The following SRGAP1 variants were observed in gnomAD, a reference collection of about 807,000 sequenced individuals.
SRGAP1 encodes SLIT-ROBO Rho GTPase-activating protein 1.
A neutral mutation model predicts 121.9 loss-of-function variants in SRGAP1; 43 were observed. That is an observed-to-expected ratio of 0.35 (90% CI 0.28 to 0.46). The LOEUF is 0.46. Among genes scored for constraint, SRGAP1 ranks in the 20% least tolerant of loss-of-function variants. SRGAP1 has a pLI of 1.00. For missense variants in SRGAP1, 1,102 were observed against 1,350.9 expected (o/e 0.82, Z 2.89); for synonymous variants, 447 against 485.4 (o/e 0.92, Z 1.04).
chr12:63,872,130 G>T, intron 1 of SRGAP1: 1 of 482,548 alleles, frequency 2.1e-6, no homozygotes, highest in Non-Finnish European at 3.8e-6. Context: ...CACCTAACCG[G>T]GAGTTTTTCT....
intron 1 of SRGAP1, among the ~76,000 whole-genome samples, chr12:63,936,187 C>T (rs1028740458): frequency 6.6e-5 from 10 of 152,072 alleles, no homozygotes; most frequent in African/African-American, 1.9e-4. Context: ...AAGAGATACA[C>T]GAATCCAGAG....
intron 11 of SRGAP1, among the ~76,000 whole-genome samples, chr12:64,087,740 TAAAAATA>T (rs1016346634): frequency 6.6e-6 from 1 of 151,932 alleles, no homozygotes; most frequent in South Asian, 2.1e-4. Context: ...TCTCAAAAAA[TAAAAATA>T]AAAAATAAAA....
At chr12:63,930,554 G>C (rs1451596504) in intron 1 of SRGAP1, among the ~76,000 whole-genome samples, 1 of 152,078 alleles carries the variant, frequency 6.6e-6, no homozygotes, top group African/African-American at 2.4e-5. Context: ...TAAATGTTAG[G>C]TGTCACTTTT....
chr12:63,925,783 G>A (rs1013410646), intron 1 of SRGAP1, among the ~76,000 whole-genome samples: 2 of 152,194 alleles, frequency 1.3e-5, no homozygotes, highest in Non-Finnish European at 1.5e-5. Context: ...CACAGATAGA[G>A]ATGGCATCCT....
intron 4 of SRGAP1, among the ~76,000 whole-genome samples, chr12:64,035,085 T>A (rs763986357): frequency 1.3e-5 from 2 of 151,630 alleles, no homozygotes; most frequent in Non-Finnish European, 2.9e-5. Flanking sequence ...ACTTTCTGGT[T>A]TCACTTGCAG....
At chr12:64,059,836 A>G (rs1018769089) in intron 6 of SRGAP1, among the ~76,000 whole-genome samples, 27 of 152,344 alleles carry the variant, frequency 1.8e-4, no homozygotes, top group African/African-American at 6.3e-4. Flanking sequence ...AGCTGATTCC[A>G]CTGGAAATGT....
intron 1 of SRGAP1, among the ~76,000 whole-genome samples, chr12:63,940,279 A>C (rs1407354169): frequency 6.6e-6 from 1 of 151,334 alleles, no homozygotes; most frequent in Non-Finnish European, 1.5e-5. Flanking sequence ...CCCATTTCTT[A>C]CTACTGAATT....
chr12:63,983,299 G>C (rs989766307), intron 1 of SRGAP1: 11 of 152,194 alleles, frequency 7.2e-5, no homozygotes, highest in African/African-American at 2.7e-4. Flanking sequence ...CTGAGGTAGA[G>C]TGCTGTTGAA....
intron 3 of SRGAP1, among the ~76,000 whole-genome samples, chr12:64,016,315 T>C (rs1325934099): frequency 6.6e-6 from 1 of 152,054 alleles, no homozygotes; most frequent in Non-Finnish European, 1.5e-5. Context: ...CACGCCACCC[T>C]GTCTCTACAA....
intron 4 of SRGAP1, chr12:64,032,366 T>G: frequency 2.4e-5 from 10 of 424,194 alleles, no homozygotes; most frequent in Non-Finnish European, 3.6e-5. Context: ...AATGGTAGTA[T>G]GAGATACTTT....
chr12:63,920,406 A>G (rs2030994700), intron 1 of SRGAP1, among the ~76,000 whole-genome samples: 1 of 152,168 alleles, frequency 6.6e-6, no homozygotes, highest in African/African-American at 2.4e-5. Context: ...CTTGTGAATA[A>G]AGAGAAGTGA....
At chr12:64,134,462 G>GT (rs2036830299) in intron 21 of SRGAP1, among the ~76,000 whole-genome samples, 1 of 151,360 alleles carries the variant, frequency 6.6e-6, no homozygotes, top group South Asian at 2.1e-4. Context: ...TCACAAATCT[G>GT]TTTTGCAAGG....
At chr12:64,015,934 T>C (rs1279840418) in intron 3 of SRGAP1, among the ~76,000 whole-genome samples, 1 of 152,190 alleles carries the variant, frequency 6.6e-6, no homozygotes, top group East Asian at 1.9e-4. Flanking sequence ...GATATATGAT[T>C]TCCTTAAAAT....
chr12:64,086,496 C>G (rs1049016030), intron 10 of SRGAP1, among the ~76,000 whole-genome samples: 3 of 152,054 alleles, frequency 2.0e-5, no homozygotes, highest in Non-Finnish European at 2.9e-5. Context: ...TTTCTGATTA[C>G]AGAATACAGC....
chr12:63,885,897 T>G (rs550943210), intron 1 of SRGAP1, among the ~76,000 whole-genome samples: 1 of 152,342 alleles, frequency 6.6e-6, no homozygotes, highest in Admixed American at 6.5e-5. Context: ...TTTCTCCTGC[T>G]GTTGTGCTAT....
chr12:63,990,259 C>T (rs1335839536), intron 3 of SRGAP1, among the ~76,000 whole-genome samples, 187 bp downstream of exon 3: 5 of 152,156 alleles, frequency 3.3e-5, no homozygotes, highest in Admixed American at 2.6e-4. Context: ...TTAGGCCGGG[C>T]GTGGTAGCTC....
At chr12:63,906,408 G>C (rs569201124) in intron 1 of SRGAP1, among the ~76,000 whole-genome samples, 9 of 151,318 alleles carry the variant, frequency 5.9e-5, no homozygotes, top group Admixed American at 5.9e-4. Flanking sequence ...TCCGCCTCCT[G>C]GGTCCACACC....
chr12:64,006,523 A>G (rs970963580), intron 3 of SRGAP1, among the ~76,000 whole-genome samples: 10 of 152,198 alleles, frequency 6.6e-5, no homozygotes, highest in Non-Finnish European at 1.5e-4. Flanking sequence ...GTATGTTGTT[A>G]TCTAAGCAAT....
chr12:64,077,930 A>G (rs1228036870), intron 8 of SRGAP1, among the ~76,000 whole-genome samples: 3 of 152,212 alleles, frequency 2.0e-5, no homozygotes, highest in Non-Finnish European at 4.4e-5. Flanking sequence ...AACTTAGAAA[A>G]TGGAGCAAGA....
Sources: gnomAD v4.1 joint callset for allele counts (sites outside exome capture counted in the v4.1 genomes callset) on GRCh38, gnomAD v4.1.1 for gene constraint, MANE v1.5 for transcripts, NCBI Gene and HGNC (gene_info 2026-07-23, HGNC 2026-07-21) for gene names.